Variants in SLC9A4 observed in about 807,000 individuals in gnomAD.
SLC9A4 encodes solute carrier family 9 member A4.
In SLC9A4, 63 loss-of-function variants were observed where a neutral mutation model predicts 67.4. That is an observed-to-expected ratio of 0.93 (90% confidence interval 0.76 to 1.15). SLC9A4 has a LOEUF of 1.15. SLC9A4 is among the 50% of genes most tolerant of loss of function. The pLI is 0.00. For missense variants in SLC9A4, 1,089 were observed against 987.7 expected, an observed-to-expected ratio of 1.10 and a Z score of -1.38; for synonymous variants, 393 against 367.2, an observed-to-expected ratio of 1.07 and a Z score of -0.80.
At chr2:102,532,076 G>A (rs1674788247) in intron 11 of SLC9A4, among the ~76,000 whole-genome samples, 1 of 152,134 alleles carries the variant, frequency 6.6e-6, no homozygotes. Flanking sequence ...TACTTACCTG[G>A]GGAGACTGGC....
intron 11 of SLC9A4, among the ~76,000 whole-genome samples, chr2:102,527,701 A>C (rs547347057): frequency 3.3e-5 from 5 of 152,234 alleles, no homozygotes; most frequent in Admixed American, 6.5e-5. Context: ...TCACAACAAC[A>C]GTCTGTAAGA....
chr2:102,498,383 T>C (rs990265805), intron 2 of SLC9A4, among the ~76,000 whole-genome samples: 1 of 152,234 alleles, frequency 6.6e-6, no homozygotes, highest in Admixed American at 6.5e-5. Flanking sequence ...CAGTTGACTT[T>C]CCCAGGCCAT....
At chr2:102,483,391 GA>G (rs1324220634) in intron 2 of SLC9A4, among the ~76,000 whole-genome samples, 6 of 152,198 alleles carry the variant, frequency 3.9e-5, no homozygotes, top group Non-Finnish European at 8.8e-5. Flanking sequence ...TTTCATTGAG[GA>G]AGGAGCCTTC....
chr2:102,492,097 C>T (rs942636199), intron 2 of SLC9A4, among the ~76,000 whole-genome samples: 1 of 152,242 alleles, frequency 6.6e-6, no homozygotes, highest in Non-Finnish European at 1.5e-5. Flanking sequence ...GGCAGCTCTG[C>T]CCCTGTGGCT....
In SLC9A4 at chr2:102,532,615, C is replaced by G; in HGVS notation, c.2324C>G (p.Ser775Trp). ...EGKASLVEVR[S>W]RWTADHGHGR... ...AAGGCCTCTTTGGTTGAGGTTCGGTCGAGGTGGACAGCTGACCATGGACAC... is the reference window on the plus strand; with the variant it reads ...AAGGCCTCTTTGGTTGAGGTTCGGTGGAGGTGGACAGCTGACCATGGACAC... Residue 775 changes from serine to tryptophan, a missense_variant, in exon 12 of 12, where the codon TCG becomes TGG. Coordinates refer to ENST00000295269, the MANE Select transcript of SLC9A4 (RefSeq NM_001011552.4). The G allele has an allele frequency of 6.2e-7, 1 of 1,613,828 alleles. No homozygotes were observed. The highest frequency in any genetic ancestry group is 8.5e-7 in the Non-Finnish European group (1 of 1,179,942).
intron 4 of SLC9A4, among the ~76,000 whole-genome samples, chr2:102,507,163 C>G (rs935763352): frequency 2.0e-5 from 3 of 152,148 alleles, no homozygotes; most frequent in African/African-American, 4.8e-5. Context: ...CGCTCAAGGT[C>G]ACATGACTGG....
At chr2:102,521,971 A>G (rs1022674648) in intron 9 of SLC9A4, among the ~76,000 whole-genome samples, 2 of 152,190 alleles carry the variant, frequency 1.3e-5, no homozygotes, top group African/African-American at 4.8e-5. Flanking sequence ...GACTCCAGCC[A>G]ATTCTGTTTG....
In SLC9A4 at chr2:102,493,698, A is replaced by C. The variant is rs550644089; in HGVS notation, c.721-9750A>C. Among the ~76,000 whole-genome samples, 364 of 151,634 alleles carry C rather than the reference A, an allele frequency of 2.4e-3. 9 individuals are homozygous for C. The highest frequency in any genetic ancestry group is 7.9e-3 in the African/African-American group (324 of 41,128). ...AGTTAGCTTCCATATCATCCACTCA[A>C]TTATCCTTTCCCTACTCTTAGTTTC... On this transcript the variant is annotated intron_variant, in intron 2 of 11. Transcript: ENST00000295269.
intron 3 of SLC9A4, among the ~76,000 whole-genome samples, 189 bp downstream of exon 3, chr2:102,503,896 G>A (rs564449456): frequency 6.6e-6 from 1 of 152,204 alleles, no homozygotes; most frequent in Admixed American, 6.5e-5. Context: ...TCTCTCCAAT[G>A]CCTGCCTTCA....
intron 3 of SLC9A4, among the ~76,000 whole-genome samples, chr2:102,504,453 T>C (rs1292981053): frequency 6.6e-6 from 1 of 152,232 alleles, no homozygotes; most frequent in African/African-American, 2.4e-5. Flanking sequence ...ACAGATGGGA[T>C]AAGACTAGAA....
At chr2:102,501,502 C>A (rs1573340544) in intron 2 of SLC9A4, among the ~76,000 whole-genome samples, 1 of 152,112 alleles carries the variant, frequency 6.6e-6, no homozygotes, top group South Asian at 2.1e-4. Flanking sequence ...ACCTCGGCCT[C>A]CCAAAGTGCT....
At position 102,481,084 on chromosome 2, in the gene SLC9A4, G is replaced by A. The variant is rs978501553; in HGVS notation, c.720+1782G>A. The stretch of plus-strand genomic sequence containing the variant: ...CTGTGCCTGGTACCCTTGATAAGGA[G>A]GGTGGTTTGGCTGGGGCACCTTATC... On this transcript the variant is annotated intron_variant, in intron 2 of 11. Transcript: ENST00000295269. Among the ~76,000 whole-genome samples, 11 of 152,196 alleles carry A rather than the reference G, an allele frequency of 7.2e-5. 1 individual carries two copies. Among genetic ancestry groups the A allele is most frequent in the African/African-American group, 2.7e-4 (11 of 41,452 alleles).
chr2:102,506,608 C>T (rs1685055058), intron 4 of SLC9A4, among the ~76,000 whole-genome samples: 1 of 152,164 alleles, frequency 6.6e-6, no homozygotes, highest in African/African-American at 2.4e-5. Flanking sequence ...AGACATGTAA[C>T]TACTCAAAAT....
chr2:102,500,067 T>C (rs1193564555), intron 2 of SLC9A4, among the ~76,000 whole-genome samples: 1 of 152,192 alleles, frequency 6.6e-6, no homozygotes, highest in South Asian at 2.1e-4. Flanking sequence ...GGATCGTAAC[T>C]GGAAACAGTG....
chr2:102,474,703 A>G (rs1048846074), intron 1 of SLC9A4, among the ~76,000 whole-genome samples: 1 of 152,212 alleles, frequency 6.6e-6, no homozygotes, highest in Non-Finnish European at 1.5e-5. Context: ...AGAGGTGGCT[A>G]TACTCTGTGA....
Position 102,479,124 on chromosome 2 carries a change from G to A in SLC9A4, c.542G>A (p.Cys181Tyr). The change falls in exon 2 of 12, where the codon TGC (cysteine) becomes TAC (tyrosine). Residue 181 changes from cysteine to tyrosine, a missense_variant. By Grantham distance (194) the Cys-to-Tyr change is radical. Transcript: ENST00000295269. ...LGIGLSLYLI[C>Y]QVKAFGLGDV... ...ATTGGCCTCTCCCTCTACCTCATCTGCCAGGTGAAGGCCTTTGGCCTGGGC... is the reference window on the plus strand; with the variant it reads ...ATTGGCCTCTCCCTCTACCTCATCTACCAGGTGAAGGCCTTTGGCCTGGGC... 1 of 1,614,144 alleles carries A rather than the reference G, an allele frequency of 6.2e-7. No individual in the cohort carries two copies. The highest frequency in any genetic ancestry group is 8.5e-7 in the Non-Finnish European group (1 of 1,180,002).
chr2:102,477,266 T>A (rs1459929458), intron 1 of SLC9A4, among the ~76,000 whole-genome samples: 3 of 152,226 alleles, frequency 2.0e-5, no homozygotes, highest in Non-Finnish European at 1.5e-5. Flanking sequence ...GATATCTGGC[T>A]GGGCCATTTC....
chr2:102,526,347 G>A lies in SLC9A4; in HGVS notation c.2038+1G>A. The A allele has an allele frequency of 1.9e-6, 3 of 1,613,554 alleles. No homozygotes were observed. The highest frequency in any genetic ancestry group is 1.7e-6 in the Non-Finnish European group (2 of 1,179,638). ...GACACAAGGGCTGCTGGGTTCTCAG[G>A]TAAGCTGCCCACCTGGCTGCTCTGC... is the stretch of plus-strand genomic sequence containing the variant. On this transcript the variant is annotated splice_donor_variant, in intron 11 of 11. Coordinates refer to ENST00000295269, the MANE Select transcript of SLC9A4 (RefSeq NM_001011552.4). LOFTEE classifies it high-confidence loss of function.
intron 10 of SLC9A4, 89 bp downstream of exon 10, chr2:102,525,244 A>G: frequency 1.9e-6 from 3 of 1,558,830 alleles, no homozygotes; most frequent in Non-Finnish European, 2.6e-6. Flanking sequence ...TCTCACATGC[A>G]TGACCATCGA....
Sources: allele counts gnomAD v4.1 joint callset (sites outside exome capture counted in the v4.1 genomes callset), GRCh38; gene constraint gnomAD v4.1.1; transcripts MANE v1.5; gene names NCBI Gene and HGNC (gene_info 2026-07-23, HGNC 2026-07-21).